LARGE1: variants seen among roughly 807,000 people sequenced by gnomAD.
LARGE1 encodes the protein xylosyl- and glucuronyltransferase LARGE1.
A neutral mutation model predicts 87.6 loss-of-function variants in LARGE1; 43 were observed. That is an observed-to-expected ratio of 0.49 (90% CI 0.38 to 0.63). The LOEUF (loss-of-function observed/expected upper bound fraction) is 0.63, where lower values mean the gene tolerates loss of function less well. Among genes scored for constraint, LARGE1 ranks in the 30% least tolerant of loss-of-function variants. The pLI, the probability that LARGE1 is intolerant of heterozygous loss-of-function variation, is 0.00. For missense variants in LARGE1, 802 were observed against 1,000.2 expected, an observed-to-expected ratio of 0.80 and a Z score of 2.67; for synonymous variants, 434 against 394.6, an observed-to-expected ratio of 1.10 and a Z score of -1.18.
intron 7 of LARGE1, among the ~76,000 whole-genome samples, chr22:33,400,594 TC>T (rs1363534798): frequency 3.3e-5 from 5 of 152,140 alleles, no homozygotes; most frequent in Admixed American, 3.3e-4. Flanking sequence ...CTCATTTCCC[TC>T]CCCAGAAGGG....
intron 6 of LARGE1, among the ~76,000 whole-genome samples, chr22:33,496,628 C>A (rs892936936): frequency 5.3e-5 from 8 of 152,160 alleles, no homozygotes; most frequent in South Asian, 2.1e-4. Context: ...TGTTAGCAGC[C>A]TGAATGGACC....
rs1431125270 is a variant in LARGE1, at chr22:33,274,405, C to A, written c.*22G>T. 6.2e-7 allele frequency: 1 copy of A among 1,612,936 alleles called. No homozygotes were observed. The highest frequency in any genetic ancestry group is 8.5e-7 in the Non-Finnish European group (1 of 1,178,988). On this transcript the variant is annotated 3_prime_UTR_variant, in exon 15 of 15. Transcript: ENST00000397394. ...GCACTTCCCCTACAGCATGTCTCCC[C>A]CTAGTGGTGGGCTTCTTGGTGCTAG...
intron 6 of LARGE1, among the ~76,000 whole-genome samples, chr22:33,461,498 C>A (rs1043631591): frequency 2.0e-5 from 3 of 151,890 alleles, no homozygotes; most frequent in Non-Finnish European, 2.9e-5. Flanking sequence ...ACATCACACA[C>A]TGGGGCCTGT....
downstream of LARGE1, among the ~76,000 whole-genome samples, chr22:33,267,988 C>T (rs1363915921): frequency 4.0e-5 from 6 of 150,534 alleles, no homozygotes; most frequent in African/African-American, 1.2e-4. Flanking sequence ...CGGGGTCTTG[C>T]TCTGTTGCCC....
intron 1 of LARGE1, among the ~76,000 whole-genome samples, chr22:33,858,959 C>A (rs1455040248): frequency 6.6e-6 from 1 of 150,954 alleles, no homozygotes; most frequent in Non-Finnish European, 1.5e-5. Flanking sequence ...CCAAACACCG[C>A]ATCTTCTCAC....
At chr22:33,917,216 T>C (rs1046554175) in intron 1 of LARGE1, among the ~76,000 whole-genome samples, 2 of 152,230 alleles carry the variant, frequency 1.3e-5, no homozygotes, top group African/African-American at 4.8e-5. Context: ...TATTCTAAAC[T>C]AAGCAGGCTC....
chr22:33,117,805 A>G, the LARGE1 span, among the ~76,000 whole-genome samples: 2 of 152,248 alleles, frequency 1.3e-5, no homozygotes, highest in Non-Finnish European at 2.9e-5. Context: ...GTGGATTTTC[A>G]TGAGGCATTT....
At chr22:33,827,073 G>C (rs975131481) in intron 1 of LARGE1, among the ~76,000 whole-genome samples, 3 of 152,054 alleles carry the variant, frequency 2.0e-5, no homozygotes. Context: ...ATTTAAAAGA[G>C]CTCACTGGAC....
intron 2 of LARGE1, among the ~76,000 whole-genome samples, chr22:33,749,057 A>G (rs531757427): frequency 1.3e-5 from 2 of 152,350 alleles, no homozygotes; most frequent in Non-Finnish European, 2.9e-5. Flanking sequence ...TTAAATGACC[A>G]CTGTCGGATG....
intron 6 of LARGE1, among the ~76,000 whole-genome samples, chr22:33,543,147 T>A (rs1650609538): frequency 6.6e-6 from 1 of 151,414 alleles, no homozygotes; most frequent in Non-Finnish European, 1.5e-5. Flanking sequence ...TTAATTGATC[T>A]CCCAGTAAGG....
chr22:33,871,544 C>T (rs2064281734), intron 1 of LARGE1, among the ~76,000 whole-genome samples: 2 of 152,168 alleles, frequency 1.3e-5, no homozygotes, highest in African/African-American at 4.8e-5. Context: ...CAAAATCTGT[C>T]CAGGTAAATA....
intron 12 of LARGE1, among the ~76,000 whole-genome samples, chr22:33,302,435 A>G (rs1934281954): frequency 6.6e-6 from 1 of 152,000 alleles, no homozygotes; most frequent in Admixed American, 6.6e-5. Flanking sequence ...CAGGGGAGGG[A>G]TTAACACTAG....
Position 33,595,381 on chromosome 22 carries a change from C to T in LARGE1, c.615+9054G>A, listed in dbSNP as rs545167193. On this transcript the variant is annotated intron_variant, in intron 5 of 14. Coordinates refer to ENST00000397394, the MANE Select transcript of LARGE1 (RefSeq NM_133642.5). ...ATGAGTTTAAGACTCTGAGCTCAGACCAACTGTAGCTCAAGGTGGGGCATG... is the reference window on the plus strand; with the variant it reads ...ATGAGTTTAAGACTCTGAGCTCAGATCAACTGTAGCTCAAGGTGGGGCATG... 3.3e-5 allele frequency among the ~76,000 whole-genome samples: 5 copies of T among 152,196 alleles called. No individual in the cohort carries two copies. The South Asian group carries it at 1.0e-3, about 32-fold the overall frequency.
intron 6 of LARGE1, among the ~76,000 whole-genome samples, chr22:33,545,264 C>CT (rs57882316): frequency 1.3e-3 from 169 of 132,034 alleles, no homozygotes; most frequent in East Asian, 4.7e-3. Flanking sequence ...CTTTCCTTTT[C>CT]TTTTTTTTTT....
At chr22:33,602,906 C>T (rs759726054) in intron 5 of LARGE1, among the ~76,000 whole-genome samples, 13 of 152,304 alleles carry the variant, frequency 8.5e-5, no homozygotes, top group East Asian at 7.7e-4. Context: ...GTGAACACAG[C>T]GGCAGAGGCA....
intron 5 of LARGE1, among the ~76,000 whole-genome samples, chr22:33,593,188 C>A (rs2267236): frequency 0.24 from 36,494 of 150,922 alleles, 5,000 homozygotes; most frequent in East Asian, 0.35. Flanking sequence ...ATTTTGAGAC[C>A]AGGTTATGAG....
intron 2 of LARGE1, among the ~76,000 whole-genome samples, chr22:33,710,104 C>A (rs182206433): frequency 2.7e-5 from 4 of 150,632 alleles, no homozygotes; most frequent in African/African-American, 9.8e-5. Context: ...AGTAGCTATA[C>A]GAGCAAAGAA....
intron 6 of LARGE1, among the ~76,000 whole-genome samples, chr22:33,550,185 A>ATATG (rs2077486392): frequency 6.6e-6 from 1 of 151,316 alleles, no homozygotes; most frequent in Non-Finnish European, 1.5e-5. Flanking sequence ...ACATATATAT[A>ATATG]TATGTATGTA....
Position 33,234,314 on chromosome 22 carries a change from T to C in LARGE1, c.1731-67482A>G, listed in dbSNP as rs770447887. On this transcript the variant is annotated intron_variant, in intron 11 of 11. Transcript: ENST00000608642. Reference sequence around the variant, plus strand: ...ATTTCATTGGCCAATGTGAATCACATTGGCATATGCCTATCTTCAAAGGGA... The same window carrying C: ...ATTTCATTGGCCAATGTGAATCACACTGGCATATGCCTATCTTCAAAGGGA... Among the ~76,000 whole-genome samples, 8 of 152,162 alleles carry C rather than the reference T, an allele frequency of 5.3e-5. No homozygotes were observed. In the South Asian group the frequency reaches 1.5e-3, roughly 28 times the overall value.
Sources: allele counts gnomAD v4.1 joint callset (sites outside exome capture counted in the v4.1 genomes callset), GRCh38; gene constraint gnomAD v4.1.1; transcripts MANE v1.5; gene names NCBI Gene and HGNC (gene_info 2026-07-23, HGNC 2026-07-21).